The following TMEM51 variants were observed in gnomAD, a reference collection of about 807,000 sequenced individuals.
TMEM51 encodes the protein chromosome 1 open reading frame 72.
In TMEM51, 8 loss-of-function variants were observed where a neutral mutation model predicts 13.6. That is an observed-to-expected ratio of 0.59 (90% CI 0.35 to 1.07). The LOEUF is 1.07. Among genes scored for constraint, TMEM51 ranks in the 50% least tolerant of loss-of-function variants. The pLI, the probability that TMEM51 is intolerant of heterozygous loss-of-function variation, is 0.02. For synonymous variants in TMEM51, 147 were observed against 144.4 expected (o/e 1.02, Z -0.13); for missense variants, 279 against 330.7 (o/e 0.84, Z 1.21).
At chr1:15,191,834 G>T in intron 1 of TMEM51, 1 of 484,748 alleles carries the variant, frequency 2.1e-6, no homozygotes, top group Non-Finnish European at 4.2e-6. Flanking sequence ...GGCCAAACCA[G>T]TGCCAGCTAT....
chr1:15,203,166 CCCCAG>C (rs113102981), intron 1 of TMEM51, among the ~76,000 whole-genome samples: 4,706 of 152,268 alleles, frequency 0.031, 224 homozygotes, highest in African/African-American at 0.1. Flanking sequence ...GAATGTTCTT[CCCCAG>C]GTATTCATGT....
At chr1:15,195,932 A>G (rs1466664838) in intron 1 of TMEM51, among the ~76,000 whole-genome samples, 1 of 152,178 alleles carries the variant, frequency 6.6e-6, no homozygotes, top group African/African-American at 2.4e-5. Flanking sequence ...GAGAGTATCA[A>G]TTATGTGTGG....
chr1:15,179,570 C>T (rs1292664367), intron 1 of TMEM51, among the ~76,000 whole-genome samples: 1 of 152,108 alleles, frequency 6.6e-6, no homozygotes, highest in Non-Finnish European at 1.5e-5. Context: ...ATCACTTGAG[C>T]CCAGGAGTGC....
intron 1 of TMEM51, among the ~76,000 whole-genome samples, chr1:15,205,583 T>C (rs1644235262): frequency 6.6e-6 from 1 of 152,230 alleles, no homozygotes; most frequent in Non-Finnish European, 1.5e-5. Flanking sequence ...GCAGTGCTAC[T>C]TGGTGTTTAA....
intron 1 of TMEM51, chr1:15,192,600 C>A: frequency 5.4e-6 from 1 of 184,446 alleles, no homozygotes; most frequent in Non-Finnish European, 1.1e-5. Flanking sequence ...ATTACAGGTG[C>A]GCACCAGCAC....
intron 2 of TMEM51, 43 bp from the exon 3 acceptor site, chr1:15,214,852 T>A: frequency 1.9e-6 from 1 of 535,852 alleles, no homozygotes; most frequent in Non-Finnish European, 3.3e-6. Flanking sequence ...GCGTCTGGAA[T>A]CGGAACTGAT....
Position 15,219,974 on chromosome 1 carries a change from C to T in TMEM51, c.*231C>T, listed in dbSNP as rs1264196670. ...AGATGCTGCCTTGGAGCTGGTGAAT[C>T]TGTGGACCACATTCAAGGGTGTGGC... On this transcript the variant is annotated 3_prime_UTR_variant, in exon 4 of 4. Transcript: ENST00000376008. 1 of 564,954 alleles carries T rather than the reference C, an allele frequency of 1.8e-6. No homozygotes were observed. The highest frequency in any genetic ancestry group is 2.9e-5 in the East Asian group (1 of 34,788). The allele number at this position is 564,954 out of a possible 1,614,324, so 35.0% of individuals were successfully genotyped here. A position where few individuals can be genotyped will look rare whatever the true frequency, so the allele number is the denominator to read the frequency against.
At chr1:15,188,814 A>G (rs1643862305) in intron 1 of TMEM51, among the ~76,000 whole-genome samples, 1 of 151,916 alleles carries the variant, frequency 6.6e-6, no homozygotes, top group Admixed American at 6.6e-5. Flanking sequence ...TGTGACCTCA[A>G]CTCTCTTCCT....
chr1:15,168,579 CTG>C (rs1557834182), intron 1 of TMEM51: 1 of 1,304,666 alleles, frequency 7.7e-7, no homozygotes, highest in East Asian at 5.5e-5. Flanking sequence ...CTAAGAGGAA[CTG>C]TGCCTGGCTG....
chr1:15,214,554 C>T (rs1644392711), intron 2 of TMEM51, among the ~76,000 whole-genome samples: 1 of 152,220 alleles, frequency 6.6e-6, no homozygotes, highest in African/African-American at 2.4e-5. Flanking sequence ...CGCTCACTCT[C>T]CCAGCAGCCT....
chr1:15,212,446 C>T (rs900273789), intron 2 of TMEM51, among the ~76,000 whole-genome samples: 2 of 151,794 alleles, frequency 1.3e-5, no homozygotes, highest in African/African-American at 4.8e-5. Flanking sequence ...GGGGTTAAAG[C>T]GGCTCAAATC....
chr1:15,199,808 C>T (rs757046239), intron 1 of TMEM51, among the ~76,000 whole-genome samples: 6 of 152,120 alleles, frequency 3.9e-5, no homozygotes, highest in Non-Finnish European at 5.9e-5. Flanking sequence ...AATATTGTAT[C>T]CTAGCTGCTG....
intron 1 of TMEM51, among the ~76,000 whole-genome samples, chr1:15,182,252 C>G (rs1374072178): frequency 3.3e-5 from 5 of 152,148 alleles, no homozygotes; most frequent in African/African-American, 1.2e-4. Flanking sequence ...ATAAGAGCAT[C>G]CCTTCTGGAG....
chr1:15,190,362 G>C (rs1320736127), intron 1 of TMEM51, among the ~76,000 whole-genome samples: 1 of 152,170 alleles, frequency 6.6e-6, no homozygotes, highest in Non-Finnish European at 1.5e-5. Context: ...TAAGCACAAT[G>C]TGAAGATGCA....
intron 1 of TMEM51, among the ~76,000 whole-genome samples, chr1:15,154,926 AC>A: frequency 6.6e-6 from 1 of 152,224 alleles, no homozygotes; most frequent in Non-Finnish European, 1.5e-5. Context: ...AGGGACCCGA[AC>A]CGGGAGGTAA....
intron 1 of TMEM51, among the ~76,000 whole-genome samples, chr1:15,201,822 A>C (rs1186720188): frequency 6.6e-6 from 1 of 152,184 alleles, no homozygotes; most frequent in Non-Finnish European, 1.5e-5. Flanking sequence ...TGGGCAGGAC[A>C]AACTTTCTCA....
At chr1:15,214,258 G>T (rs1644388997) in intron 2 of TMEM51, among the ~76,000 whole-genome samples, 1 of 152,126 alleles carries the variant, frequency 6.6e-6, no homozygotes, top group South Asian at 2.1e-4. Context: ...CATGAAAGGG[G>T]CATCTGAGCT....
At chr1:15,209,995 C>A (rs4077310) in intron 1 of TMEM51, among the ~76,000 whole-genome samples, 60,753 of 151,344 alleles carry the variant, frequency 0.4, 12,674 homozygotes, top group East Asian at 0.61. Flanking sequence ...CACACCACTG[C>A]ATTCCAGCCT....
At chr1:15,164,759 A>T (rs1183165155) in intron 1 of TMEM51, among the ~76,000 whole-genome samples, 2 of 148,116 alleles carry the variant, frequency 1.4e-5, no homozygotes, top group East Asian at 4.0e-4. Flanking sequence ...ACAGACAAAG[A>T]GTTGTGTTCT....
Sources: gnomAD v4.1 joint callset for allele counts (sites outside exome capture counted in the v4.1 genomes callset) on GRCh38, gnomAD v4.1.1 for gene constraint, MANE v1.5 for transcripts, NCBI Gene and HGNC (gene_info 2026-07-23, HGNC 2026-07-21) for gene names.